Variants in LRIG3 observed in about 807,000 individuals in gnomAD.
The protein encoded by LRIG3 is leucine rich repeats and immunoglobulin like domains 3.
LRIG3 carries 76 observed loss-of-function variants against 114.5 expected under a neutral mutation model. That is an observed-to-expected ratio of 0.66 (90% CI 0.55 to 0.80). LRIG3 has a LOEUF of 0.80. LRIG3 is among the 30% of genes least tolerant of loss of function. The pLI, the probability that LRIG3 is intolerant of heterozygous loss-of-function variation, is 0.00. For missense variants in LRIG3, 1,239 were observed against 1,382.8 expected (o/e 0.90, Z 1.65); for synonymous variants, 512 against 519.8 (o/e 0.98, Z 0.20).
intron 18 of LRIG3, among the ~76,000 whole-genome samples, chr12:58,873,154 C>T (rs530367397): frequency 9.2e-5 from 14 of 152,200 alleles, no homozygotes; most frequent in South Asian, 8.3e-4. Context: ...ATTTTGGTGA[C>T]GGGTGTGTTG....
intron 14 of LRIG3, among the ~76,000 whole-genome samples, chr12:58,878,553 C>T (rs1871008370): frequency 1.3e-5 from 2 of 152,016 alleles, no homozygotes; most frequent in African/African-American, 4.8e-5. Flanking sequence ...GGTGATCCCC[C>T]ATAAAAGGGA....
At chr12:58,908,808 T>C (rs1414339318) in intron 3 of LRIG3, among the ~76,000 whole-genome samples, 5 of 152,188 alleles carry the variant, frequency 3.3e-5, no homozygotes, top group South Asian at 2.1e-4. Context: ...CATACATTCA[T>C]AGATAATGTA....
intron 16 of LRIG3, among the ~76,000 whole-genome samples, chr12:58,876,077 A>T (rs1870906505): frequency 6.6e-6 from 1 of 152,192 alleles, no homozygotes; most frequent in Non-Finnish European, 1.5e-5. Context: ...AATAAATAAA[A>T]AATAGACTTC....
At position 58,887,894 on chromosome 12, in the gene LRIG3, G is replaced by A. The variant is rs758834192; in HGVS notation, c.986C>T (p.Ser329Leu). ...TAGTAAGCTTAGGCCAAGGAAGCTTGAATCATCTAACCTTGATAAGTGATT... is the reference window on the plus strand; with the variant it reads ...TAGTAAGCTTAGGCCAAGGAAGCTTAAATCATCTAACCTTGATAAGTGATT... ...TFNHLSRLDD[S>L]SFLGLSLLNT... Residue 329 changes from serine (S) to leucine (L), a missense_variant, in exon 8 of 19, where the codon TCA (serine) becomes TTA (leucine). Physicochemically the swap from Ser to Leu is moderately radical, Grantham distance 145 (BLOSUM62 -2). Coordinates refer to ENST00000320743, the MANE Select transcript of LRIG3 (RefSeq NM_153377.5). 6.2e-7 allele frequency: 1 copy of A among 1,613,810 alleles called. No homozygotes were observed. The highest frequency in any genetic ancestry group is 8.5e-7 in the Non-Finnish European group (1 of 1,179,796).
chr12:58,919,884 A>G, intron 1 of LRIG3, 116 bp downstream of exon 1: 1 of 1,066,392 alleles, frequency 9.4e-7, no homozygotes, highest in African/African-American at 1.6e-5. Context: ...GGCCTGGGCC[A>G]GAAGGAGCTA....
chr12:58,886,810 A>G lies in LRIG3; in HGVS notation c.1172T>C (p.Leu391Pro). The change falls in exon 9 of 19, where the codon CTG becomes CCG. Residue 391 changes from leucine to proline, a missense_variant and splice_region_variant. Transcript: ENST00000320743. Reference protein sequence around the residue: ...AFSGLDKLRRLILQGNRIRSI... With the variant: ...AFSGLDKLRRPILQGNRIRSI... ...AAATTATGAGGCAATTCATACTCAC[A>G]GTCGCCTCAGTTTGTCAAGCCCAGA... The G allele has an allele frequency of 6.2e-7, 1 of 1,613,134 alleles. No individual in the cohort carries two copies.
intron 13 of LRIG3, 181 bp downstream of exon 13, chr12:58,880,400 T>A: frequency 1.4e-6 from 1 of 720,938 alleles, no homozygotes; most frequent in Non-Finnish European, 2.5e-6. Flanking sequence ...TTCAACATAA[T>A]TGCAGGTTTA....
Position 58,872,812 on chromosome 12 carries a change from G to T in LRIG3, c.3120C>A (p.Thr1040=), listed in dbSNP as rs759783348. Residue 1040 remains threonine, a synonymous_variant, in exon 19 of 19, where the codon ACC becomes ACA. Transcript: ENST00000320743. The part of the protein sequence containing the change: ...SVASSNSFMG[T]FGKALRRPHL... ...GAGGTCTCCTGAGAGCTTTTCCAAA[G>T]GTACCTGAAAGAAAGAAACACCTTG... The T allele has an allele frequency of 6.2e-7, 1 of 1,609,768 alleles. No homozygotes were observed. Among genetic ancestry groups the T allele is most frequent in the Admixed American group, 1.7e-5 (1 of 59,576 alleles).
rs780088768 is a variant in LRIG3 at position 58,890,142 on chromosome 12, G to A, written c.516-3C>T. 1 of 1,612,728 alleles carries A rather than the reference G, an allele frequency of 6.2e-7. No homozygotes were observed. The highest frequency in any genetic ancestry group is 8.5e-7 in the Non-Finnish European group (1 of 1,179,114). On this transcript the variant is annotated splice_region_variant and splice_polypyrimidine_tract_variant and intron_variant, in intron 4 of 18. Coordinates refer to ENST00000320743, the MANE Select transcript of LRIG3 (RefSeq NM_153377.5). ...TGACTCGGTTGCTGTTGAGATACCT[G>A]TTGAAAGTTTAAAGATGAGCTTCTC...
intron 12 of LRIG3, among the ~76,000 whole-genome samples, chr12:58,882,440 A>G (rs1420258842): frequency 1.3e-5 from 2 of 152,212 alleles, no homozygotes; most frequent in Admixed American, 6.5e-5. Flanking sequence ...TTTACCGACC[A>G]ATAGTTAATT....
chr12:58,904,733 G>A (rs1038298593), intron 3 of LRIG3, among the ~76,000 whole-genome samples: 3 of 152,290 alleles, frequency 2.0e-5, no homozygotes, highest in Middle Eastern at 6.8e-3. Context: ...TCTGGACTAA[G>A]CCATCCATTC....
intron 8 of LRIG3, among the ~76,000 whole-genome samples, chr12:58,887,426 C>T (rs1425892048): frequency 6.6e-6 from 1 of 152,142 alleles, no homozygotes. Context: ...GCATGATAAA[C>T]AGTATCTTCC....
chr12:58,901,441 T>C (rs542102130), intron 3 of LRIG3, among the ~76,000 whole-genome samples: 226 of 152,270 alleles, frequency 1.5e-3, no homozygotes, highest in Non-Finnish European at 2.0e-3. Context: ...ACTTGCATTT[T>C]CCAGTATAAC....
At chr12:58,873,312 A>T (rs980637324) in intron 18 of LRIG3, among the ~76,000 whole-genome samples, 2 of 152,264 alleles carry the variant, frequency 1.3e-5, no homozygotes, top group African/African-American at 2.4e-5. Context: ...TATTATTTTA[A>T]TTTTTTCCAA....
rs142186888 is a variant in LRIG3, at chr12:58,889,778, C to T, written c.659+218G>A. On this transcript the variant is annotated intron_variant, in intron 5 of 18. Coordinates refer to ENST00000320743, the MANE Select transcript of LRIG3 (RefSeq NM_153377.5). ...ATTACACTGTTCACTCTTTCAGTAA[C>T]AATCTAACGTGTCTTGTCAAGCAGC... Among the ~76,000 whole-genome samples, 1,214 of 152,040 alleles carry T rather than the reference C, an allele frequency of 8.0e-3. 17 individuals carry two copies. The highest frequency in any genetic ancestry group is 0.028 in the African/African-American group (1,156 of 41,456).
At chr12:58,914,086 A>C (rs1164934185) in intron 2 of LRIG3, 30 bp from the exon 3 acceptor site, 1 of 1,584,792 alleles carries the variant, frequency 6.3e-7, no homozygotes. Context: ...AAAGAAAAAG[A>C]AAAGCTGATT....
chr12:58,878,463 T>C lies in LRIG3; in HGVS notation c.2083+361A>G, dbSNP rs78962659. On this transcript the variant is annotated intron_variant, in intron 14 of 18. Coordinates refer to ENST00000320743, the MANE Select transcript of LRIG3 (RefSeq NM_153377.5). ...GAAAAGAGAGTAAGGCCTTCCCAAT[T>C]TGTTCCCACATTTTTTTTTAATGTT... Among the ~76,000 whole-genome samples the C allele has an allele frequency of 2.6e-3, 403 of 152,284 alleles. 7 individuals are homozygous for C. In the East Asian group the frequency reaches 0.044, roughly 17 times the overall value.
At position 58,880,863 on chromosome 12, in the gene LRIG3, T is replaced by C; in HGVS notation, c.1519A>G (p.Thr507Ala). 2 of 1,613,940 alleles carry C rather than the reference T, an allele frequency of 1.2e-6. No homozygotes were observed. Among genetic ancestry groups the C allele is most frequent in the Non-Finnish European group, 1.7e-6 (2 of 1,179,802 alleles). ...PKPQITVQPE[T>A]QSAIKGSNLS... ...TTGGAACCTTTTATTGCCGACTGTG[T>C]TTCTGGCTGAACCGTGATCTGGGGT... Residue 507 changes from threonine to alanine, a missense_variant, in exon 13 of 19, where the codon ACA becomes GCA. By Grantham distance (58) the Thr-to-Ala change is moderately conservative. Coordinates refer to ENST00000320743, the MANE Select transcript of LRIG3 (RefSeq NM_153377.5).
At chr12:58,882,392 T>C (rs1871151908) in intron 12 of LRIG3, among the ~76,000 whole-genome samples, 1 of 152,220 alleles carries the variant, frequency 6.6e-6, no homozygotes, top group Non-Finnish European at 1.5e-5. Flanking sequence ...CTTAAAATTA[T>C]TTATAATAAA....
Sources: allele counts gnomAD v4.1 joint callset (sites outside exome capture counted in the v4.1 genomes callset), GRCh38; gene constraint gnomAD v4.1.1; transcripts MANE v1.5; gene names NCBI Gene and HGNC (gene_info 2026-07-23, HGNC 2026-07-21).